ELL3: variants seen among roughly 807,000 people sequenced by gnomAD.
The protein encoded by ELL3 is RNA polymerase II elongation factor ELL3.
Under a neutral mutation model 58.5 loss-of-function variants are expected in ELL3, and 48 were observed. The observed-to-expected ratio is 0.82, with a 90% confidence interval of 0.65 to 1.04. ELL3 has a LOEUF of 1.04. ELL3 is among the 50% of genes least tolerant of loss of function. The pLI, the probability that ELL3 is intolerant of heterozygous loss-of-function variation, is 0.00. For missense variants in ELL3, 458 were observed against 478.4 expected (o/e 0.96, Z 0.40); for synonymous variants, 174 against 173.2 (o/e 1.00, Z -0.04).
In ELL3 at chr15:43,775,715, C is replaced by T; in HGVS notation, c.483+7G>A. 1 of 1,614,156 alleles carries T rather than the reference C, an allele frequency of 6.2e-7. No individual in the cohort carries two copies. The highest frequency in any genetic ancestry group is 8.5e-7 in the Non-Finnish European group (1 of 1,180,036). On this transcript the variant is annotated splice_region_variant and intron_variant, in intron 4 of 10. Coordinates refer to ENST00000319359, the MANE Select transcript of ELL3 (RefSeq NM_025165.3). The stretch of plus-strand genomic sequence containing the variant: ...CACAACTCCCTGCAATTTCTGGCCT[C>T]ACCCACCTCCTCTAGTGCCATCTGT...
chr15:43,776,006 A>C, intron 3 of ELL3, 33 bp downstream of exon 3: 1 of 1,613,012 alleles, frequency 6.2e-7, no homozygotes. Context: ...CTTTCCACAA[A>C]CCCTTTCTTG....
rs199699529 is a variant in ELL3, at chr15:43,774,480, G to C, written c.862C>G (p.Leu288Val). The C allele has an allele frequency of 3.2e-5, 51 of 1,614,168 alleles. 1 individual carries two copies. The Admixed American group carries it at 8.2e-4, about 26-fold the overall frequency. ...TGGAAAAAGCAAGGAACTCACAGGA[G>C]GTAGTCTGGTATATCTTCAGGACTT... ...SPSPEDIPDYLLQYRAIHSAE... is the reference protein window; with the variant it reads ...SPSPEDIPDYVLQYRAIHSAE... Residue 288 changes from leucine to valine, a missense_variant, in exon 8 of 11, where the codon CTC becomes GTC. By Grantham distance (32) the Leu-to-Val change is conservative. Transcript: ENST00000319359.
chr15:43,774,243 T>C lies in ELL3; in HGVS notation c.977A>G (p.Gln326Arg), dbSNP rs1472696409. ...CTCTGCTCCCAGCTCTATGAACCTT[T>C]GGCTTGCAGTCCCAACACGGGCATG... ...ILHARVGTAS[Q>R]RFIELGAEIK... Residue 326 changes from glutamine (Q) to arginine (R), a missense_variant, in exon 9 of 11, where the codon CAA (glutamine) becomes CGA (arginine). Coordinates refer to ENST00000319359, the MANE Select transcript of ELL3 (RefSeq NM_025165.3). 6.2e-7 allele frequency: 1 copy of C among 1,614,174 alleles called. No individual in the cohort carries two copies. Among genetic ancestry groups the C allele is most frequent in the Non-Finnish European group, 8.5e-7 (1 of 1,180,034 alleles).
Position 43,774,616 on chromosome 15 carries a change from TGTTCTAATCTGGGGTCCATGTCC to T in ELL3, c.780_802del (p.Asp261GlnfsTer9). 1 of 1,614,062 alleles carries T rather than the reference TGTTCTAATCTGGGGTCCATGTCC, an allele frequency of 6.2e-7. No individual in the cohort carries two copies. The stretch of plus-strand genomic sequence containing the variant: ...CTCACCTTCTTGAACTGAGGAACTG[TGTTCTAATCTGGGGTCCATGTCC>T]TCATCTTCTTGCTCCCAATCTTCTC... On this transcript the variant is annotated frameshift_variant, in exon 7 of 11. Transcript: ENST00000319359. LOFTEE classifies it high-confidence loss of function.
In ELL3 at chr15:43,775,602, C is replaced by CA. The variant is rs1483160198; in HGVS notation, c.491dup (p.Ser165ValfsTer96). The CA allele has an allele frequency of 1.1e-5, 17 of 1,614,212 alleles. No homozygotes were observed. The highest frequency in any genetic ancestry group is 1.4e-5 in the Non-Finnish European group (16 of 1,180,026). On this transcript the variant is annotated frameshift_variant, in exon 5 of 11. Transcript: ENST00000319359. LOFTEE classifies it high-confidence loss of function. The stretch of plus-strand genomic sequence containing the variant: ...CTTGGTTGCTTGCCAGTGGATCTGA[C>CA]ACTGACACCTGGTGGGGAAAGTGGC...
Position 43,776,539 on chromosome 15 carries a change from C to A in ELL3, c.138G>T (p.Arg46=). The A allele has an allele frequency of 6.4e-7, 1 of 1,568,200 alleles. No homozygotes were observed. Among genetic ancestry groups the A allele is most frequent in the East Asian group, 2.3e-5 (1 of 42,658 alleles). The change falls in exon 2 of 11, where the codon CGG becomes CGT. Residue 46 remains arginine, a synonymous_variant. Transcript: ENST00000319359. ...ALQECQRQQV[R]PVIAFQGHRG... is the part of the protein sequence containing the mutation. ...GGTGGCCTTGGAAAGCAATCACCGG[C>A]CGTACCTGCGGGGAGAGCGAAGATG...
intron 4 of ELL3, 50 bp from the exon 5 acceptor site, chr15:43,775,660 C>T: frequency 6.2e-7 from 1 of 1,613,976 alleles, no homozygotes; most frequent in East Asian, 2.2e-5. Flanking sequence ...TACTGGGATA[C>T]CTTGGACTTC....
chr15:43,776,938 A>G lies in ELL3; in HGVS notation c.-37T>C. The G allele has an allele frequency of 2.5e-6, 4 of 1,603,766 alleles. No homozygotes were observed. Among genetic ancestry groups the G allele is most frequent in the Non-Finnish European group, 3.4e-6 (4 of 1,178,878 alleles). ...CGAGTGCAAGCAGCACGGGGGCCAC[A>G]GGCGAGGGCCACCACCGCCACCTCC... On this transcript the variant is annotated 5_prime_UTR_variant, in exon 1 of 11. Coordinates refer to ENST00000319359, the MANE Select transcript of ELL3 (RefSeq NM_025165.3).
At chr15:43,776,389 C>T in intron 2 of ELL3, 120 bp downstream of exon 2, 3 of 1,476,100 alleles carry the variant, frequency 2.0e-6, no homozygotes, top group Non-Finnish European at 2.8e-6. Context: ...GTTCAGTTAT[C>T]GGAACTACCT....
chr15:43,776,181 T>C, intron 2 of ELL3, 30 bp from the exon 3 acceptor site: 4 of 1,589,866 alleles, frequency 2.5e-6, no homozygotes, highest in Non-Finnish European at 3.4e-6. Flanking sequence ...GTAAGCCCCA[T>C]GAAGTCAGCC....
Position 43,775,558 on chromosome 15 carries a change from G to A in ELL3, c.536C>T (p.Ser179Phe), listed in dbSNP as rs2086908598. 2 of 1,614,188 alleles carry A rather than the reference G, an allele frequency of 1.2e-6. No homozygotes were observed. Among genetic ancestry groups the A allele is most frequent in the Non-Finnish European group, 1.7e-6 (2 of 1,180,034 alleles). The change falls in exon 5 of 11, where the codon TCC becomes TTC. Residue 179 changes from serine to phenylalanine, a missense_variant. Transcript: ENST00000319359. ...ASNQGQSLPG[S>F]SREHMAQWEV... ...CCACTGTGCCATGTGCTCCCTTGAGGATCCTGGGAGTGACTGTCCTTGGTT... is the reference window on the plus strand; with the variant it reads ...CCACTGTGCCATGTGCTCCCTTGAGAATCCTGGGAGTGACTGTCCTTGGTT...
chr15:43,775,352 G>A lies in ELL3; in HGVS notation c.599C>T (p.Pro200Leu), dbSNP rs1221804231. The A allele has an allele frequency of 1.2e-6, 2 of 1,613,664 alleles. No individual in the cohort carries two copies. Among genetic ancestry groups the A allele is most frequent in the African/African-American group, 2.7e-5 (2 of 75,024 alleles). Residue 200 changes from proline to leucine, a missense_variant, in exon 6 of 11, where the codon CCT becomes CTT. Coordinates refer to ENST00000319359, the MANE Select transcript of ELL3 (RefSeq NM_025165.3). ...GGCAGAGGAAGGCAGTGCCTGAACA[G>A]GTTCTCTGTTTGGAACATGGGTCTG... is the stretch of plus-strand genomic sequence containing the variant. Reference protein sequence around the residue: ...RSQTHVPNREPVQALPSSASR... With the variant: ...RSQTHVPNRELVQALPSSASR...
intron 1 of ELL3, 90 bp from the exon 2 acceptor site, chr15:43,776,634 C>A (rs925036844): frequency 1.9e-6 from 3 of 1,548,266 alleles, no homozygotes; most frequent in Non-Finnish European, 2.6e-6. Flanking sequence ...ACCTGCCTAG[C>A]GGGCTTCACT....
chr15:43,774,086 C>T (rs2086897372), intron 9 of ELL3, 96 bp downstream of exon 9: 1 of 1,475,940 alleles, frequency 6.8e-7, no homozygotes, highest in East Asian at 2.3e-5. Flanking sequence ...TTCCTTGTCA[C>T]TTTGCTTAGT....
Position 43,775,832 on chromosome 15 carries a change from C to T in ELL3, c.373G>A (p.Val125Ile), listed in dbSNP as rs142769297. Residue 125 changes from valine to isoleucine, a missense_variant, in exon 4 of 11, where the codon GTT (valine) becomes ATT (isoleucine). By Grantham distance (29) the Val-to-Ile change is conservative. Transcript: ENST00000319359. ...TCTTCAGTCAGGTTGTGTCCCTGAA[C>T]TGATGATGGGGCTGGGATAGAATCC... ...AMDSIPAPSS[V>I]QGHNLTEDAR... 595 of 1,614,206 alleles carry T rather than the reference C, an allele frequency of 3.7e-4. 2 individuals are homozygous for T. Among genetic ancestry groups the T allele is most frequent in the South Asian group, 1.2e-3 (107 of 91,090 alleles).
In ELL3 at chr15:43,775,905, G is replaced by A; in HGVS notation, c.300C>T (p.Leu100=). 6.2e-7 allele frequency: 1 copy of A among 1,614,144 alleles called. No individual in the cohort carries two copies. Among genetic ancestry groups the A allele is most frequent in the Non-Finnish European group, 8.5e-7 (1 of 1,180,030 alleles). The change falls in exon 4 of 11, where the codon CTC becomes CTT. Residue 100 remains leucine, a synonymous_variant. Transcript: ENST00000319359. ...GCTCCCTGAGTGAGCCCAGGCAGTGGAGGCTGTTAGGCCCAGACCTGGAAA... is the reference window on the plus strand; with the variant it reads ...GCTCCCTGAGTGAGCCCAGGCAGTGAAGGCTGTTAGGCCCAGACCTGGAAA... ...QRFLRSGPNS[L]HCLGSLRERL... is the part of the protein sequence containing the mutation.
At position 43,775,751 on chromosome 15, in the gene ELL3, C is replaced by T; in HGVS notation, c.454G>A (p.Val152Ile). Residue 152 changes from valine (V) to isoleucine (I), a missense_variant, in exon 4 of 11, where the codon GTA (valine) becomes ATA (isoleucine). By Grantham distance (29) the Val-to-Ile change is conservative. Coordinates refer to ENST00000319359, the MANE Select transcript of ELL3 (RefSeq NM_025165.3). ...TCTAGTGCCATCTGTGGCTGTGATACTGCATCTCCTTCAGAATAGCCTCCT... is the reference window on the plus strand; with the variant it reads ...TCTAGTGCCATCTGTGGCTGTGATATTGCATCTCCTTCAGAATAGCCTCCT... ...NTGGYSEGDA[V>I]SQPQMALEEV... 6.2e-7 allele frequency: 1 copy of T among 1,614,200 alleles called. No individual in the cohort carries two copies. The highest frequency in any genetic ancestry group is 8.5e-7 in the Non-Finnish European group (1 of 1,180,046).
Position 43,774,534 on chromosome 15 carries a change from G to A in ELL3, c.824-16C>T, listed in dbSNP as rs750258946. On this transcript the variant is annotated splice_polypyrimidine_tract_variant and intron_variant, in intron 7 of 10. Transcript: ENST00000319359. ...GATTCAGAATCTAGGAAGGAAGCAA[G>A]AAAACACAAGTGATTATAAGTCTTT... The A allele has an allele frequency of 6.2e-7, 1 of 1,614,134 alleles. No homozygotes were observed. The highest frequency in any genetic ancestry group is 8.5e-7 in the Non-Finnish European group (1 of 1,180,008).
At position 43,776,521 on chromosome 15, in the gene ELL3, T is replaced by G; in HGVS notation, c.156A>C (p.Gln52His). The G allele has an allele frequency of 6.4e-7, 1 of 1,567,456 alleles. No homozygotes were observed. The highest frequency in any genetic ancestry group is 1.9e-5 in the Admixed American group (1 of 53,580). The stretch of plus-strand genomic sequence containing the variant: ...AGCTCGCACTTACCCCTCGGTGGCC[T>G]TGGAAAGCAATCACCGGCCGTACCT... The part of the protein sequence containing the change: ...RQQVRPVIAF[Q>H]GHRGYLRLPG... Residue 52 changes from glutamine (Q) to histidine (H), a missense_variant, in exon 2 of 11, where the codon CAA becomes CAC. Transcript: ENST00000319359.
Sources: allele counts gnomAD v4.1 joint callset, GRCh38; gene constraint gnomAD v4.1.1; transcripts MANE v1.5; gene names NCBI Gene and HGNC (gene_info 2026-07-23, HGNC 2026-07-21).